LRBA: variants seen among roughly 807,000 people sequenced by gnomAD.
LRBA encodes LPS responsive beige-like anchor protein.
Under a neutral mutation model 330.0 loss-of-function variants are expected in LRBA, and 176 were observed. The observed-to-expected ratio is 0.53, with a 90% confidence interval of 0.47 to 0.60. The LOEUF is 0.60. LRBA is among the 20% of genes least tolerant of loss of function. The pLI is 0.00. For missense variants in LRBA, 3,259 were observed against 3,444.8 expected (o/e 0.95, Z 1.35); for synonymous variants, 1,230 against 1,193.0 (o/e 1.03, Z -0.64).
At chr4:150,492,030 G>T (rs1004836093) in intron 40 of LRBA, among the ~76,000 whole-genome samples, 6 of 152,004 alleles carry the variant, frequency 3.9e-5, no homozygotes, top group Middle Eastern at 3.4e-3. Flanking sequence ...TACATTGTAG[G>T]AATAAAGATG....
At chr4:150,591,729 C>A (rs1163728079) in intron 38 of LRBA, among the ~76,000 whole-genome samples, 1 of 152,046 alleles carries the variant, frequency 6.6e-6, no homozygotes, top group Non-Finnish European at 1.5e-5. Context: ...TATGACAAGG[C>A]AGCAACTGCA....
intron 5 of LRBA, among the ~76,000 whole-genome samples, chr4:150,916,980 C>T (rs773162408): frequency 1.3e-5 from 2 of 151,982 alleles, no homozygotes; most frequent in Non-Finnish European, 2.9e-5. Flanking sequence ...GGTGAAACCC[C>T]GTCTCTACTA....
At chr4:150,623,042 C>T (rs1156553441) in intron 37 of LRBA, among the ~76,000 whole-genome samples, 3 of 152,070 alleles carry the variant, frequency 2.0e-5, no homozygotes, top group African/African-American at 7.2e-5. Flanking sequence ...CTTACTTCTG[C>T]TGGGCTGCAA....
At position 150,868,186 on chromosome 4, in the gene LRBA, T is replaced by C; in HGVS notation, c.2569A>G (p.Arg857Gly). 6.2e-7 allele frequency: 1 copy of C among 1,610,400 alleles called. No individual in the cohort carries two copies. The highest frequency in any genetic ancestry group is 8.5e-7 in the Non-Finnish European group (1 of 1,178,174). Residue 857 changes from arginine to glycine, a missense_variant, in exon 21 of 57, where the codon AGG becomes GGG. Arg to Gly is a moderately radical substitution (Grantham distance 125). Coordinates refer to ENST00000651943, the MANE Select transcript of LRBA (RefSeq NM_001364905.1). ...ATGCTTTCTGATTCAGCTTACCTCCTGTTTTCTCTACTGTTATTAAAAAGT... is the reference window on the plus strand; with the variant it reads ...ATGCTTTCTGATTCAGCTTACCTCCCGTTTTCTCTACTGTTATTAAAAAGT... ...IKLFNNSREN[R>G]RSLLQCSVWQ... is the part of the protein sequence containing the mutation.
intron 2 of LRBA, among the ~76,000 whole-genome samples, chr4:150,973,285 C>T (rs1348795015): frequency 6.6e-6 from 1 of 151,908 alleles, no homozygotes; most frequent in Non-Finnish European, 1.5e-5. Flanking sequence ...CTCCTGCCTC[C>T]GCCTCCCGAG....
At chr4:150,623,492 A>T (rs1224346352) in intron 37 of LRBA, among the ~76,000 whole-genome samples, 1 of 152,132 alleles carries the variant, frequency 6.6e-6, no homozygotes, top group East Asian at 1.9e-4. Context: ...AATAGCATTG[A>T]ATATAAGAAA....
chr4:150,893,216 T>C, intron 16 of LRBA, 67 bp from the exon 17 acceptor site: 1 of 777,854 alleles, frequency 1.3e-6, no homozygotes, highest in East Asian at 2.7e-5. Flanking sequence ...TAATGAATAC[T>C]TCTGAAATAG....
intron 27 of LRBA, 133 bp downstream of exon 27, chr4:150,844,525 T>C (rs1472268197): frequency 1.5e-6 from 1 of 685,192 alleles, no homozygotes; most frequent in Non-Finnish European, 2.3e-6. Flanking sequence ...TATTTGAATG[T>C]TATATGCAGG....
intron 34 of LRBA, among the ~76,000 whole-genome samples, chr4:150,786,006 T>C (rs1239672224): frequency 6.6e-6 from 1 of 152,166 alleles, no homozygotes; most frequent in Non-Finnish European, 1.5e-5. Flanking sequence ...ATGTTATCCA[T>C]TATCCTTGTC....
At chr4:150,601,545 T>C (rs1774110071) in intron 37 of LRBA, among the ~76,000 whole-genome samples, 1 of 152,000 alleles carries the variant, frequency 6.6e-6, no homozygotes, top group Admixed American at 6.6e-5. Flanking sequence ...AAAAAAATGG[T>C]CAAAATGGTG....
intron 36 of LRBA, among the ~76,000 whole-genome samples, chr4:150,694,584 C>A (rs928421073): frequency 6.6e-6 from 1 of 151,748 alleles, no homozygotes; most frequent in East Asian, 1.9e-4. Context: ...TGACAGCCAC[C>A]TTTAATTCTG....
At chr4:150,673,440 T>C (rs1782250306) in intron 37 of LRBA, among the ~76,000 whole-genome samples, 1 of 152,160 alleles carries the variant, frequency 6.6e-6, no homozygotes, top group African/African-American at 2.4e-5. Flanking sequence ...TAAGGAAAAC[T>C]CATAACAGGA....
At chr4:150,380,982 C>CAAAA (rs58528401) in intron 47 of LRBA, among the ~76,000 whole-genome samples, 1 of 61,008 alleles carries the variant, frequency 1.6e-5, no homozygotes, top group African/African-American at 6.6e-5. Context: ...AACTCCATCT[C>CAAAA]AAAAAAAAAA....
At chr4:150,796,396 T>C (rs1250299138) in intron 34 of LRBA, among the ~76,000 whole-genome samples, 3 of 151,996 alleles carry the variant, frequency 2.0e-5, no homozygotes, top group Non-Finnish European at 4.4e-5. Context: ...ACATCATTTT[T>C]CACACTGTGC....
At chr4:150,582,829 G>C in intron 40 of LRBA, 1 of 520,718 alleles carries the variant, frequency 1.9e-6, no homozygotes, top group Non-Finnish European at 3.3e-6. Context: ...AAGAAAAGAG[G>C]TTTCGAAAGA....
At chr4:150,359,217 G>GT (rs1481019303) in intron 47 of LRBA, among the ~76,000 whole-genome samples, 17 of 152,146 alleles carry the variant, frequency 1.1e-4, no homozygotes, top group Non-Finnish European at 2.2e-4. Context: ...TTCTATTAAT[G>GT]TTAGCATCTC....
intron 37 of LRBA, among the ~76,000 whole-genome samples, chr4:150,650,108 G>C (rs1779568591): frequency 6.6e-6 from 1 of 152,056 alleles, no homozygotes. Flanking sequence ...GCCAATACTT[G>C]GTGAGGTTAA....
intron 49 of LRBA, among the ~76,000 whole-genome samples, chr4:150,325,289 T>A (rs1277783327): frequency 6.6e-6 from 1 of 152,140 alleles, no homozygotes; most frequent in Admixed American, 6.6e-5. Context: ...TCATGAGAAA[T>A]ACAATACATG....
chr4:150,383,762 T>C (rs1421859953), intron 47 of LRBA, among the ~76,000 whole-genome samples: 1 of 152,042 alleles, frequency 6.6e-6, no homozygotes, highest in Non-Finnish European at 1.5e-5. Context: ...CTTAACAAAA[T>C]GCAAGTAGCA....
Sources: gnomAD v4.1 joint callset for allele counts (sites outside exome capture counted in the v4.1 genomes callset) on GRCh38, gnomAD v4.1.1 for gene constraint, MANE v1.5 for transcripts, NCBI Gene and HGNC (gene_info 2026-07-23, HGNC 2026-07-21) for gene names.